Variants in SNN observed in about 807,000 individuals in gnomAD.
SNN encodes the protein stannin.
In SNN, 5 loss-of-function variants were observed where a neutral mutation model predicts 5.3. That is an observed-to-expected ratio of 0.94 (90% confidence interval 0.49 to 1.97). SNN has a LOEUF of 1.97. SNN is among the 30% of genes most tolerant of loss of function. The pLI is 0.01. For missense variants in SNN, 127 were observed against 121.6 expected (o/e 1.04, Z -0.21); for synonymous variants, 67 against 52.1 (o/e 1.29, Z -1.24).
At position 11,675,966 on chromosome 16, in the gene SNN, G is replaced by C. The variant is rs2050300325; in HGVS notation, c.-85-9G>C. On this transcript the variant is annotated splice_polypyrimidine_tract_variant and intron_variant, in intron 1 of 1. Transcript: ENST00000329565. ...TAACCGCAGCTCGTCAACCTGCTTT[G>C]TCTTTCAGGACTCCCGTGTCCAGCC... is the stretch of plus-strand genomic sequence containing the variant. 2.2e-6 allele frequency: 3 copies of C among 1,387,674 alleles called. No homozygotes were observed. Among genetic ancestry groups the C allele is most frequent in the Non-Finnish European group, 2.9e-6 (3 of 1,032,078 alleles). 86.0% of individuals were successfully genotyped at this position (1,387,674 alleles called of 1,614,324 possible). A position where few individuals can be genotyped will look rare whatever the true frequency, so the allele number is the denominator to read the frequency against.
intron 1 of SNN, among the ~76,000 whole-genome samples, chr16:11,670,082 G>A (rs1053123335): frequency 3.3e-5 from 5 of 152,168 alleles, no homozygotes; most frequent in South Asian, 2.1e-4. Context: ...GTCCCGCCTC[G>A]TCCTGGCTGT....
rs537124148 is a variant in SNN at position 11,676,502 on chromosome 16, C to T, written c.*176C>T. The T allele has an allele frequency of 5.1e-4, 400 of 776,714 alleles. No individual in the cohort carries two copies. Among genetic ancestry groups the T allele is most frequent in the Admixed American group, 9.9e-4 (34 of 34,354 alleles). 48.1% of individuals were successfully genotyped at this position (776,714 alleles called of 1,614,324 possible). A position where few individuals can be genotyped will look rare whatever the true frequency, so the allele number is the denominator to read the frequency against. The stretch of plus-strand genomic sequence containing the variant: ...GGGGACCTGGCTGTCCTGGGCTTCC[C>T]CTCGGCCTCCAGGTGAGGCTGCCCA... On this transcript the variant is annotated 3_prime_UTR_variant, in exon 2 of 2. Transcript: ENST00000329565.
chr16:11,676,715 T>C lies in SNN; in HGVS notation c.*389T>C, dbSNP rs557338953. Reference sequence around the variant, plus strand: ...GCCCTTTTGCTGATTTTTAAAAATATCATCTAGCGCACACGGGACTGGTAT... The same window carrying C: ...GCCCTTTTGCTGATTTTTAAAAATACCATCTAGCGCACACGGGACTGGTAT... On this transcript the variant is annotated 3_prime_UTR_variant, in exon 2 of 2. Coordinates refer to ENST00000329565, the MANE Select transcript of SNN (RefSeq NM_003498.6). 2.7e-5 allele frequency: 6 copies of C among 222,022 alleles called. No homozygotes were observed. The highest frequency in any genetic ancestry group is 1.1e-4 in the African/African-American group (5 of 44,404). 13.8% of individuals were successfully genotyped at this position (222,022 alleles called of 1,614,324 possible).
At chr16:11,673,139 G>A (rs1216528905) in intron 1 of SNN, among the ~76,000 whole-genome samples, 1 of 152,162 alleles carries the variant, frequency 6.6e-6, no homozygotes, top group Non-Finnish European at 1.5e-5. Context: ...CTTGCAGGGA[G>A]AGAACACAGA....
rs994973183 is a variant in SNN, at chr16:11,675,436, T to C, written c.-85-539T>C. Among the ~76,000 whole-genome samples, 17 of 152,108 alleles carry C rather than the reference T, an allele frequency of 1.1e-4. No homozygotes were observed. The Middle Eastern group carries it at 0.01, about 91-fold the overall frequency. ...GCATGTGCCACCATGCCCAGCTAATTATTGTATTTTAGTAGATACGAGGTT... is the reference window on the plus strand; with the variant it reads ...GCATGTGCCACCATGCCCAGCTAATCATTGTATTTTAGTAGATACGAGGTT... On this transcript the variant is annotated intron_variant, in intron 1 of 1. Coordinates refer to ENST00000329565, the MANE Select transcript of SNN (RefSeq NM_003498.6).
rs1403125979 is a variant in SNN at position 11,668,653 on chromosome 16, C to A, written c.-86+113C>A. The A allele has an allele frequency of 8.0e-6, 1 of 125,710 alleles. No individual in the cohort carries two copies. Among genetic ancestry groups the A allele is most frequent in the Non-Finnish European group, 1.7e-5 (1 of 58,618 alleles). The allele number at this position is 125,710 out of a possible 1,614,324, so 7.8% of individuals were successfully genotyped here. On this transcript the variant is annotated intron_variant, in intron 1 of 1. Coordinates refer to ENST00000329565, the MANE Select transcript of SNN (RefSeq NM_003498.6). The surrounding 1 kb of genome is among the most constrained non-coding windows in gnomAD (Gnocchi z 6.8). ...GGCGCGCGCGGCGGCGGGGCCGGGC[C>A]GGGGTCTGCGGGCGGGGGAGGGGCG...
intron 1 of SNN, among the ~76,000 whole-genome samples, chr16:11,675,247 CTTT>C (rs71136677): frequency 1.5e-5 from 2 of 136,788 alleles, no homozygotes; most frequent in Non-Finnish European, 3.2e-5. Context: ...ATTTCTTTTT[CTTT>C]TTTTTTTCTT....
intron 1 of SNN, among the ~76,000 whole-genome samples, chr16:11,674,848 G>A (rs976413125): frequency 2.0e-5 from 3 of 152,184 alleles, no homozygotes; most frequent in African/African-American, 7.2e-5. Context: ...CTGTGTTCCT[G>A]ACAATGGCAC....
Position 11,672,909 on chromosome 16 carries a change from GC to G in SNN, c.-85-3064del, listed in dbSNP as rs1023498345. Among the ~76,000 whole-genome samples the G allele has an allele frequency of 6.6e-6, 1 of 152,116 alleles. No homozygotes were observed. Among genetic ancestry groups the G allele is most frequent in the African/African-American group, 2.4e-5 (1 of 41,404 alleles). The stretch of plus-strand genomic sequence containing the variant: ...TGGCCTGCCCACCTGGCTTTGCCCC[GC>G]CTATCCCAGGTCCTGGTGCCATTGT... On this transcript the variant is annotated intron_variant, in intron 1 of 1. Transcript: ENST00000329565. The surrounding 1 kb of genome is among the most constrained non-coding windows in gnomAD (Gnocchi z 6.0).
chr16:11,670,598 C>T (rs969107633), intron 1 of SNN, among the ~76,000 whole-genome samples: 3 of 152,214 alleles, frequency 2.0e-5, no homozygotes, highest in Non-Finnish European at 4.4e-5. Flanking sequence ...CACTTCTCAT[C>T]CTCCCCACGA....
chr16:11,678,832 G>T lies in SNN; in HGVS notation c.*2506G>T. On this transcript the variant is annotated 3_prime_UTR_variant, in exon 2 of 2. Coordinates refer to ENST00000329565, the MANE Select transcript of SNN (RefSeq NM_003498.6). ...TGACCTCTCTGGATTATTTTTGAAT[G>T]CCCAACTGTTGCATTCAAGTTTTCT... is the stretch of plus-strand genomic sequence containing the variant. The T allele has an allele frequency of 4.2e-6, 1 of 238,266 alleles. No individual in the cohort carries two copies. Among genetic ancestry groups the T allele is most frequent in the Non-Finnish European group, 8.9e-6 (1 of 112,238 alleles). 14.8% of individuals were successfully genotyped at this position (238,266 alleles called of 1,614,324 possible). A position where few individuals can be genotyped will look rare whatever the true frequency, so the allele number is the denominator to read the frequency against.
At position 11,668,658 on chromosome 16, in the gene SNN, T is replaced by TCTG. The variant is rs2050244608; in HGVS notation, c.-86+120_-86+122dup. 1 of 134,980 alleles carries TCTG rather than the reference T, an allele frequency of 7.4e-6. No homozygotes were observed. The highest frequency in any genetic ancestry group is 2.7e-5 in the African/African-American group (1 of 36,556). 8.4% of individuals were successfully genotyped at this position (134,980 alleles called of 1,614,324 possible). A position where few individuals can be genotyped will look rare whatever the true frequency, so the allele number is the denominator to read the frequency against. On this transcript the variant is annotated intron_variant, in intron 1 of 1. Coordinates refer to ENST00000329565, the MANE Select transcript of SNN (RefSeq NM_003498.6). This position sits in a 1 kb window ranked among gnomAD's most constrained non-coding sequence, Gnocchi z 6.8. ...GCGCGGCGGCGGGGCCGGGCCGGGG[T>TCTG]CTGCGGGCGGGGGAGGGGCGGCCCG...
rs1290181834 is a variant in SNN, at chr16:11,674,378, C to G, written c.-85-1597C>G. ...CTTGGGACTCCAGAGAACCTGCCAG[C>G]CTCAGCACTGCGGGGCAGCAGAGGC... is the stretch of plus-strand genomic sequence containing the variant. On this transcript the variant is annotated intron_variant, in intron 1 of 1. Coordinates refer to ENST00000329565, the MANE Select transcript of SNN (RefSeq NM_003498.6). 2.0e-5 allele frequency among the ~76,000 whole-genome samples: 3 copies of G among 152,202 alleles called. No homozygotes were observed. The East Asian group carries it at 5.8e-4, about 29-fold the overall frequency.
chr16:11,673,418 T>C (rs1056782783), intron 1 of SNN, among the ~76,000 whole-genome samples: 3 of 152,152 alleles, frequency 2.0e-5, no homozygotes, highest in African/African-American at 7.2e-5. Flanking sequence ...AGGCCACTGC[T>C]CCGGAGGGAA....
rs546502190 is a variant in SNN at position 11,673,201 on chromosome 16, G to C, written c.-85-2774G>C. Among the ~76,000 whole-genome samples, 59 of 152,268 alleles carry C rather than the reference G, an allele frequency of 3.9e-4. No homozygotes were observed. In the South Asian group the frequency reaches 5.0e-3, roughly 13 times the overall value. On this transcript the variant is annotated intron_variant, in intron 1 of 1. Transcript: ENST00000329565. Reference sequence around the variant, plus strand: ...CCCAGCCATGGTGGGAAGGCTGTCTGTGGGGTCAGAGGGGTCCCCTGTCCA... The same window carrying C: ...CCCAGCCATGGTGGGAAGGCTGTCTCTGGGGTCAGAGGGGTCCCCTGTCCA...
At chr16:11,669,168 T>C (rs2050249138) in intron 1 of SNN, among the ~76,000 whole-genome samples, 1 of 152,110 alleles carries the variant, frequency 6.6e-6, no homozygotes, top group Non-Finnish European at 1.5e-5. Context: ...CTCGCTTTGC[T>C]CCTCCGTGGA....
chr16:11,669,399 G>A (rs2141935852), intron 1 of SNN, among the ~76,000 whole-genome samples: 1 of 152,376 alleles, frequency 6.6e-6, no homozygotes, highest in African/African-American at 2.4e-5. Flanking sequence ...CGGGAGAGGA[G>A]GTAGGGAGAA....
Position 11,678,986 on chromosome 16 carries a change from CTG to C in SNN, c.*2663_*2664del, listed in dbSNP as rs1002367926. 39 of 580,872 alleles carry C rather than the reference CTG, an allele frequency of 6.7e-5. No individual in the cohort carries two copies. Among genetic ancestry groups the C allele is most frequent in the Admixed American group, 1.8e-4 (5 of 27,678 alleles). The allele number at this position is 580,872 out of a possible 1,614,324, so 36.0% of individuals were successfully genotyped here. On this transcript the variant is annotated 3_prime_UTR_variant, in exon 2 of 2. Coordinates refer to ENST00000329565, the MANE Select transcript of SNN (RefSeq NM_003498.6). ...TTTTTTGGACAAATCTTCAAACGGACTGTGCTACTGTATTTGTCTCAAAGCTA... is the reference window on the plus strand; with the variant it reads ...TTTTTTGGACAAATCTTCAAACGGACTGCTACTGTATTTGTCTCAAAGCTA...
rs1018302164 is a variant in SNN, at chr16:11,671,254, G to A, written c.-86+2714G>A. On this transcript the variant is annotated intron_variant, in intron 1 of 1. Coordinates refer to ENST00000329565, the MANE Select transcript of SNN (RefSeq NM_003498.6). This position sits in a 1 kb window ranked among gnomAD's most constrained non-coding sequence, Gnocchi z 4.7. ...CTTTTATAGTGGGTGGGTGGGATCC[G>A]AGAGTCAGGACCCCCTTGGCAGAGG... Among the ~76,000 whole-genome samples, 3 of 152,152 alleles carry A rather than the reference G, an allele frequency of 2.0e-5. No homozygotes were observed. Among genetic ancestry groups the A allele is most frequent in the Non-Finnish European group, 2.9e-5 (2 of 68,010 alleles).
Sources: gnomAD v4.1 joint callset for allele counts (sites outside exome capture counted in the v4.1 genomes callset) on GRCh38, gnomAD v4.1.1 for gene constraint, Gnocchi (gnomAD v3.1) non-coding constraint, MANE v1.5 for transcripts, NCBI Gene and HGNC (gene_info 2026-07-23, HGNC 2026-07-21) for gene names.